PRH1: variants seen among roughly 807,000 people sequenced by gnomAD.
PRH1 encodes the protein salivary acidic proline-rich phosphoprotein 1/2.
Under a neutral mutation model 7.9 loss-of-function variants are expected in PRH1, and 7 were observed. The observed-to-expected ratio is 0.89, with a 90% CI of 0.50 to 1.67. PRH1 has a LOEUF of 1.67. Among genes scored for constraint, PRH1 ranks in the 40% most tolerant of loss-of-function variants. The probability of loss-of-function intolerance (pLI) is 0.00; values close to 1 mark genes in which losing one functional copy is unlikely to be tolerated. For missense variants in PRH1, 109 were observed against 223.6 expected, an observed-to-expected ratio of 0.49 and a Z score of 3.27; for synonymous variants, 45 against 80.8, an observed-to-expected ratio of 0.56 and a Z score of 2.38.
chr12:10,894,668 ATAGAG>A (rs889166887), intron 2 of PRH1, among the ~76,000 whole-genome samples: 9 of 152,290 alleles, frequency 5.9e-5, no homozygotes, highest in South Asian at 2.1e-4. Flanking sequence ...AAATTTAAAG[ATAGAG>A]TAATCTATTA....
chr12:10,993,970 GA>G (rs1292716844), intron 1 of PRH1, among the ~76,000 whole-genome samples: 1 of 152,190 alleles, frequency 6.6e-6, no homozygotes, highest in African/African-American at 2.4e-5. Flanking sequence ...AGCAGGTGCA[GA>G]AAATTAACCC....
intron 1 of PRH1, among the ~76,000 whole-genome samples, chr12:11,169,453 A>G (rs2136482164): frequency 6.6e-6 from 1 of 152,246 alleles, no homozygotes; most frequent in Non-Finnish European, 1.5e-5. Flanking sequence ...TAGGCCCTCA[A>G]TCTGGCCATG....
upstream of PRH1, chr12:11,049,269 G>T (rs1328170495): frequency 3.4e-6 from 2 of 586,036 alleles, no homozygotes; most frequent in African/African-American, 2.8e-5. Context: ...TTGAACAAAT[G>T]AAAAGAAAGA....
chr12:11,126,896 G>A (rs963819634), intron 1 of PRH1, among the ~76,000 whole-genome samples: 5 of 152,200 alleles, frequency 3.3e-5, no homozygotes, highest in Non-Finnish European at 7.3e-5. Flanking sequence ...GTGCCCATGG[G>A]AAAATACAAA....
chr12:11,076,246 C>T (rs1473015266), intron 1 of PRH1, among the ~76,000 whole-genome samples: 8 of 142,108 alleles, frequency 5.6e-5, no homozygotes, highest in South Asian at 4.3e-4. Context: ...GATACATCAA[C>T]ACACTTTGTG....
At chr12:10,986,164 A>T in intron 1 of PRH1, 1 of 1,614,100 alleles carries the variant, frequency 6.2e-7, no homozygotes, top group Non-Finnish European at 8.5e-7. Context: ...AAGAGGAAGG[A>T]GATCAGAGTT....
At chr12:11,168,295 A>AG (rs1313633028) in intron 1 of PRH1, among the ~76,000 whole-genome samples, 1 of 22,652 alleles carries the variant, frequency 4.4e-5, no homozygotes, top group African/African-American at 2.8e-4. Flanking sequence ...AAAGAAAGAA[A>AG]GAAAGAAGGA....
downstream of PRH1, among the ~76,000 whole-genome samples, chr12:11,117,438 A>G (rs1475493654): frequency 6.6e-6 from 1 of 152,170 alleles, no homozygotes; most frequent in African/African-American, 2.4e-5. Flanking sequence ...AAGAAAAGAT[A>G]GTCCATGTTC....
chr12:11,036,746 T>C (rs533804976), intron 1 of PRH1, among the ~76,000 whole-genome samples: 1 of 152,358 alleles, frequency 6.6e-6, no homozygotes, highest in South Asian at 2.1e-4. Context: ...TTTCCCACAA[T>C]GATGATCTTT....
intron 1 of PRH1, among the ~76,000 whole-genome samples, chr12:10,991,915 G>C (rs1391948595): frequency 1.3e-5 from 2 of 152,174 alleles, no homozygotes; most frequent in Non-Finnish European, 2.9e-5. Flanking sequence ...AGACTTATCG[G>C]TGATCTTGCA....
At chr12:10,912,225 T>A (rs1323578933) in intron 2 of PRH1, among the ~76,000 whole-genome samples, 1 of 152,172 alleles carries the variant, frequency 6.6e-6, no homozygotes, top group African/African-American at 2.4e-5. Context: ...ATGATGATGA[T>A]GATGCTACGA....
At chr12:11,071,181 A>G (rs1406930195) in intron 1 of PRH1, among the ~76,000 whole-genome samples, 3 of 151,408 alleles carry the variant, frequency 2.0e-5, no homozygotes, top group African/African-American at 7.3e-5. Flanking sequence ...CACCCACCAC[A>G]GAATTTTTAC....
At chr12:10,925,127 T>C (rs1415687028) in intron 2 of PRH1, among the ~76,000 whole-genome samples, 3 of 152,222 alleles carry the variant, frequency 2.0e-5, no homozygotes, top group Non-Finnish European at 4.4e-5. Context: ...GACTCCCCTC[T>C]CCACTGCAGA....
chr12:11,151,395 G>A (rs1010482846), intron 1 of PRH1, among the ~76,000 whole-genome samples: 4 of 151,928 alleles, frequency 2.6e-5, no homozygotes, highest in African/African-American at 7.3e-5. Context: ...TGCACAGAGG[G>A]GACTCCCTGG....
At chr12:11,021,824 A>C in intron 1 of PRH1, 1 of 1,614,282 alleles carries the variant, frequency 6.2e-7, no homozygotes, top group Non-Finnish European at 8.5e-7. Context: ...CTAAGATTCC[A>C]AGTTGATGTG....
At chr12:10,921,880 C>T (rs1334592701) in intron 2 of PRH1, among the ~76,000 whole-genome samples, 2 of 152,160 alleles carry the variant, frequency 1.3e-5, no homozygotes, top group Non-Finnish European at 1.5e-5. Context: ...GATCCTTCCA[C>T]CTCAGCCTCC....
At chr12:10,986,879 A>C in intron 1 of PRH1, 1 of 1,467,972 alleles carries the variant, frequency 6.8e-7, no homozygotes, top group Non-Finnish European at 9.1e-7. Context: ...AGAAAAAAAG[A>C]AAGAAAATGC....
At chr12:11,122,678 A>G (rs1238796557) in intron 1 of PRH1, among the ~76,000 whole-genome samples, 2 of 152,296 alleles carry the variant, frequency 1.3e-5, no homozygotes, top group Non-Finnish European at 2.9e-5. Flanking sequence ...TTTCTTCTTA[A>G]AATCTCTTAG....
In PRH1 at chr12:10,964,504, T is replaced by A. The variant is rs116054269; in HGVS notation, c.-59+9151A>T. The A allele has an allele frequency of 3.1e-3, 790 of 258,880 alleles. 7 individuals carry two copies. Among genetic ancestry groups the A allele is most frequent in the African/African-American group, 0.017 (749 of 44,358 alleles). 16.0% of individuals were successfully genotyped at this position (258,880 alleles called of 1,614,324 possible). A position where few individuals can be genotyped will look rare whatever the true frequency, so the allele number is the denominator to read the frequency against. ...GAAAGGTCTGTTTCAGCTTCTTGCTTCCCCAAATTAGGATGAATGAATGAA... is the reference window on the plus strand; with the variant it reads ...GAAAGGTCTGTTTCAGCTTCTTGCTACCCCAAATTAGGATGAATGAATGAA... On this transcript the variant is annotated intron_variant, in intron 2 of 3. Transcript: ENST00000539853.
Sources: gnomAD v4.1 joint callset for allele counts (sites outside exome capture counted in the v4.1 genomes callset) on GRCh38, gnomAD v4.1.1 for gene constraint, MANE v1.5 for transcripts, NCBI Gene and HGNC (gene_info 2026-07-23, HGNC 2026-07-21) for gene names.